The following KIF16B variants were observed in gnomAD, a reference collection of about 807,000 sequenced individuals.
KIF16B encodes the protein kinesin-like protein KIF16B.
In KIF16B, 98 loss-of-function variants were observed where a neutral mutation model predicts 156.3. The observed-to-expected ratio is 0.63, with a 90% confidence interval of 0.53 to 0.74. The LOEUF (loss-of-function observed/expected upper bound fraction) is 0.74. KIF16B is among the 30% of genes least tolerant of loss of function. KIF16B has a pLI of 0.00. For synonymous variants in KIF16B, 564 were observed against 583.7 expected, an observed-to-expected ratio of 0.97 and a Z score of 0.49; for missense variants, 1,421 against 1,606.5, an observed-to-expected ratio of 0.88 and a Z score of 1.97.
intron 2 of KIF16B, among the ~76,000 whole-genome samples, chr20:16,526,411 T>C (rs1362390594): frequency 1.3e-5 from 2 of 152,220 alleles, no homozygotes; most frequent in Non-Finnish European, 2.9e-5. Flanking sequence ...ATTCTGACCT[T>C]TTCTTTTTAT....
At chr20:16,407,442 T>G (rs976367063) in intron 15 of KIF16B, among the ~76,000 whole-genome samples, 8 of 152,106 alleles carry the variant, frequency 5.3e-5, no homozygotes, top group Non-Finnish European at 1.2e-4. Context: ...AGTGCTTAAG[T>G]GTCTAGCACA....
intron 23 of KIF16B, among the ~76,000 whole-genome samples, chr20:16,350,098 G>A (rs1323955851): frequency 6.6e-6 from 1 of 152,242 alleles, no homozygotes; most frequent in African/African-American, 2.4e-5. Flanking sequence ...TGAGACAAGA[G>A]GAGACTGTTA....
chr20:16,380,233 G>A (rs777637161), intron 18 of KIF16B, 70 bp from the exon 19 acceptor site: 29 of 1,355,052 alleles, frequency 2.1e-5, no homozygotes, highest in Non-Finnish European at 2.8e-5. Context: ...TTACTGAAAT[G>A]TTCTGAAAAT....
intron 3 of KIF16B, among the ~76,000 whole-genome samples, chr20:16,521,507 ATATGGGAC>A (rs2147116311): frequency 6.6e-6 from 1 of 152,248 alleles, no homozygotes; most frequent in East Asian, 1.9e-4. Flanking sequence ...CCTCCAAGAA[ATATGGGAC>A]TATGTGAAAA....
intron 23 of KIF16B, among the ~76,000 whole-genome samples, chr20:16,345,163 A>G (rs4814476): frequency 0.049 from 7,462 of 152,278 alleles, 224 homozygotes; most frequent in Non-Finnish European, 0.077. Flanking sequence ...TCCTCCGATT[A>G]TGCCTCCATG....
At chr20:16,321,014 G>A (rs2063764528) in intron 24 of KIF16B, among the ~76,000 whole-genome samples, 1 of 152,080 alleles carries the variant, frequency 6.6e-6, no homozygotes, top group Non-Finnish European at 1.5e-5. Context: ...AAAATTAAAT[G>A]TAATGTTTAT....
intron 20 of KIF16B, among the ~76,000 whole-genome samples, chr20:16,372,027 G>A (rs1211463767): frequency 6.6e-6 from 1 of 152,140 alleles, no homozygotes; most frequent in African/African-American, 2.4e-5. Flanking sequence ...TCCCATCCAC[G>A]TCCTTAGTGG....
At chr20:16,570,783 A>G (rs1202432000) in intron 1 of KIF16B, among the ~76,000 whole-genome samples, 1 of 151,988 alleles carries the variant, frequency 6.6e-6, no homozygotes, top group Non-Finnish European at 1.5e-5. Flanking sequence ...TGCCATGACC[A>G]TTTGCTGTGC....
chr20:16,356,517 T>C (rs1436294239), intron 22 of KIF16B, 65 bp from the exon 23 acceptor site: 2 of 1,583,006 alleles, frequency 1.3e-6, no homozygotes, highest in Non-Finnish European at 1.7e-6. Context: ...GCAAATATCC[T>C]GCTCGGGTAG....
intron 22 of KIF16B, among the ~76,000 whole-genome samples, chr20:16,363,492 A>C (rs552447301): frequency 1.3e-5 from 2 of 152,296 alleles, no homozygotes; most frequent in African/African-American, 4.8e-5. Context: ...TGCCGGTCCT[A>C]ATTCTTCTCT....
intron 25 of KIF16B, among the ~76,000 whole-genome samples, chr20:16,280,984 C>A (rs367638232): frequency 6.6e-6 from 1 of 151,972 alleles, no homozygotes; most frequent in Non-Finnish European, 1.5e-5. Flanking sequence ...AAAATTGTGA[C>A]CATTTTATGT....
At chr20:16,454,027 T>C (rs1002924959) in intron 12 of KIF16B, among the ~76,000 whole-genome samples, 4 of 152,202 alleles carry the variant, frequency 2.6e-5, no homozygotes, top group South Asian at 2.1e-4. Flanking sequence ...TTTCAAATAA[T>C]TGAAAACAAA....
At chr20:16,511,205 T>C (rs1033655945) in intron 6 of KIF16B, among the ~76,000 whole-genome samples, 4 of 152,226 alleles carry the variant, frequency 2.6e-5, no homozygotes, top group African/African-American at 9.6e-5. Flanking sequence ...AGGAAATCTA[T>C]TGGTAAGCCT....
rs563208197 is a variant in KIF16B, at chr20:16,566,966, T to C, written c.47+6263A>G. Among the ~76,000 whole-genome samples the C allele has an allele frequency of 1.9e-4, 29 of 152,338 alleles. 1 individual carries two copies. The highest frequency in any genetic ancestry group is 6.7e-4 in the African/African-American group (28 of 41,572). ...AAAGAAAAGTCCTCACAACACCCTG[T>C]CTACCTGCCTTGCAACTAATTCTTA... On this transcript the variant is annotated intron_variant, in intron 1 of 25. Coordinates refer to ENST00000354981, the MANE Select transcript of KIF16B (RefSeq NM_024704.5).
intron 25 of KIF16B, among the ~76,000 whole-genome samples, chr20:16,295,213 C>T (rs1161244270): frequency 6.6e-6 from 1 of 152,090 alleles, no homozygotes; most frequent in Non-Finnish European, 1.5e-5. Flanking sequence ...AGTGCATATC[C>T]CCCGGGCCAG....
At chr20:16,530,530 G>T (rs1313392723) in intron 1 of KIF16B, among the ~76,000 whole-genome samples, 1 of 152,136 alleles carries the variant, frequency 6.6e-6, no homozygotes, top group African/African-American at 2.4e-5. Context: ...AGCCTGGCAG[G>T]GCACGCTCCC....
At chr20:16,536,137 C>T (rs984571245) in intron 1 of KIF16B, among the ~76,000 whole-genome samples, 1 of 152,154 alleles carries the variant, frequency 6.6e-6, no homozygotes, top group East Asian at 1.9e-4. Flanking sequence ...TATACACACA[C>T]TATGGAATAC....
intron 24 of KIF16B, among the ~76,000 whole-genome samples, chr20:16,328,565 C>T (rs2063895503): frequency 6.6e-6 from 1 of 152,180 alleles, no homozygotes; most frequent in Non-Finnish European, 1.5e-5. Context: ...CATCAAAAGA[C>T]CCTCAATGAT....
At chr20:16,412,875 T>C (rs1192227007) in intron 15 of KIF16B, among the ~76,000 whole-genome samples, 1 of 152,128 alleles carries the variant, frequency 6.6e-6, no homozygotes, top group African/African-American at 2.4e-5. Context: ...CTGAAGGGCA[T>C]AAAGAGGAAT....
Sources: allele counts gnomAD v4.1 joint callset (sites outside exome capture counted in the v4.1 genomes callset), GRCh38; gene constraint gnomAD v4.1.1; transcripts MANE v1.5; gene names NCBI Gene and HGNC (gene_info 2026-07-23, HGNC 2026-07-21).